VAV3: variants seen among roughly 807,000 people sequenced by gnomAD.
VAV3 encodes the protein guanine nucleotide exchange factor VAV3.
A neutral mutation model predicts 131.2 loss-of-function variants in VAV3; 94 were observed. The observed-to-expected ratio is 0.72, with a 90% CI of 0.61 to 0.85. The LOEUF (loss-of-function observed/expected upper bound fraction) is 0.85, where lower values mean the gene tolerates loss of function less well. Among genes scored for constraint, VAV3 ranks in the 40% least tolerant of loss-of-function variants. VAV3 has a pLI of 0.00. For synonymous variants in VAV3, 349 were observed against 342.0 expected (o/e 1.02, Z -0.22); for missense variants, 939 against 1,002.7 (o/e 0.94, Z 0.86).
At position 107,908,013 on chromosome 1, in the gene VAV3, T is replaced by G. The variant is rs1156379015; in HGVS notation, c.205-32996A>C. Among the ~76,000 whole-genome samples, 3 of 152,222 alleles carry G rather than the reference T, an allele frequency of 2.0e-5. No homozygotes were observed. The East Asian group carries it at 5.8e-4, about 29-fold the overall frequency. ...TCAGTTGTAAGTAGCATACGTGTGT[T>G]GAGGAATGAATTCGGAAGGATGCTG... is the stretch of plus-strand genomic sequence containing the variant. On this transcript the variant is annotated intron_variant, in intron 1 of 26. Transcript: ENST00000370056.
rs547671798 is a variant in VAV3, at chr1:107,936,070, A to G, written c.204+28596T>C. Among the ~76,000 whole-genome samples, 18 of 152,344 alleles carry G rather than the reference A, an allele frequency of 1.2e-4. No homozygotes were observed. In the South Asian group the frequency reaches 3.7e-3, roughly 32 times the overall value. On this transcript the variant is annotated intron_variant, in intron 1 of 26. Coordinates refer to ENST00000370056, the MANE Select transcript of VAV3 (RefSeq NM_006113.5). ...AGAAAAGTAAACGTAGGACATTATT[A>G]CAGTTCCTAGATTTGATGAACTAAT...
At chr1:107,915,807 T>G (rs547584075) in intron 1 of VAV3, among the ~76,000 whole-genome samples, 1 of 152,328 alleles carries the variant, frequency 6.6e-6, no homozygotes, top group East Asian at 1.9e-4. Context: ...TAGTGAGCAC[T>G]CATTATATGT....
At chr1:107,736,396 T>C (rs997247409) in intron 15 of VAV3, among the ~76,000 whole-genome samples, 4 of 152,090 alleles carry the variant, frequency 2.6e-5, no homozygotes, top group Admixed American at 1.3e-4. Context: ...GGTATTCAAT[T>C]AGGAAAAGAG....
intron 8 of VAV3, among the ~76,000 whole-genome samples, chr1:107,765,478 T>C (rs1664687115): frequency 6.6e-6 from 1 of 152,158 alleles, no homozygotes; most frequent in South Asian, 2.1e-4. Flanking sequence ...ATAAATGCAT[T>C]CCAAAAACAA....
intron 9 of VAV3, among the ~76,000 whole-genome samples, chr1:107,764,359 C>G (rs879479411): frequency 6.6e-6 from 1 of 152,176 alleles, no homozygotes; most frequent in Non-Finnish European, 1.5e-5. Context: ...TCTACCCACA[C>G]TGAAGTGGGT....
intron 15 of VAV3, among the ~76,000 whole-genome samples, chr1:107,721,234 G>A (rs1661479126): frequency 6.6e-6 from 1 of 152,130 alleles, no homozygotes; most frequent in African/African-American, 2.4e-5. Flanking sequence ...GGAAAGTGAG[G>A]GGAGCATATG....
At chr1:107,763,236 G>A (rs538612058) in intron 9 of VAV3, among the ~76,000 whole-genome samples, 30 of 152,262 alleles carry the variant, frequency 2.0e-4, no homozygotes, top group African/African-American at 7.0e-4. Flanking sequence ...AAGGACAGCA[G>A]GGGCACCTCA....
intron 24 of VAV3, among the ~76,000 whole-genome samples, chr1:107,596,738 T>G (rs1263008755): frequency 6.6e-6 from 1 of 152,214 alleles, no homozygotes; most frequent in East Asian, 1.9e-4. Flanking sequence ...TATACAGCAA[T>G]TTCTACTTTC....
At chr1:107,626,487 T>C (rs1007992429) in intron 20 of VAV3, among the ~76,000 whole-genome samples, 3 of 152,188 alleles carry the variant, frequency 2.0e-5, no homozygotes, top group Non-Finnish European at 4.4e-5. Flanking sequence ...GACATACTAA[T>C]GCCGACTGAG....
In VAV3 at chr1:107,669,520, A is replaced by G. The variant is rs143356608; in HGVS notation, c.1777+13968T>C. The stretch of plus-strand genomic sequence containing the variant: ...AAACACATTTTCAAGAATGCCTGAA[A>G]ATTTCACCATGGATCCATTCCTATC... On this transcript the variant is annotated intron_variant, in intron 19 of 26. Transcript: ENST00000370056. The G allele has an allele frequency of 1.8e-4, 225 of 1,273,152 alleles. 1 individual carries two copies. The African/African-American group carries it at 3.2e-3, about 18-fold the overall frequency. The allele number at this position is 1,273,152 out of a possible 1,614,324, so 78.9% of individuals were successfully genotyped here.
At chr1:107,781,090 A>G (rs1665660039) in intron 2 of VAV3, among the ~76,000 whole-genome samples, 1 of 152,114 alleles carries the variant, frequency 6.6e-6, no homozygotes, top group Admixed American at 6.5e-5. Flanking sequence ...GGTACCATAT[A>G]TATATATGGT....
chr1:107,812,939 T>C (rs1667388202), intron 2 of VAV3, among the ~76,000 whole-genome samples: 1 of 152,010 alleles, frequency 6.6e-6, no homozygotes, highest in Non-Finnish European at 1.5e-5. Context: ...CTGGCTAGCA[T>C]GGTGAAACCC....
intron 2 of VAV3, among the ~76,000 whole-genome samples, chr1:107,873,410 A>G (rs1249829472): frequency 6.6e-6 from 1 of 152,118 alleles, no homozygotes; most frequent in Admixed American, 6.6e-5. Context: ...CATTTCCCCA[A>G]TTCATTTTCA....
chr1:107,759,857 C>G (rs763397067), intron 10 of VAV3, among the ~76,000 whole-genome samples: 5 of 152,084 alleles, frequency 3.3e-5, no homozygotes, highest in South Asian at 2.1e-4. Flanking sequence ...TTATTTTGGA[C>G]ATGTATTTAG....
intron 2 of VAV3, among the ~76,000 whole-genome samples, chr1:107,780,444 T>C (rs1287216420): frequency 6.6e-6 from 1 of 152,230 alleles, no homozygotes; most frequent in Non-Finnish European, 1.5e-5. Flanking sequence ...TCTTTTGTCC[T>C]AAGATTGTCT....
Position 107,768,505 on chromosome 1 carries a change from A to C in VAV3, c.653T>G (p.Phe218Cys). ...TETLESIEKY[F>C]MAPLKRFLTA... ...CAGAAATCTTTTTAGTGGTGCCATG[A>C]AATACTACCAGGAAAGAAGAAGAAA... is the stretch of plus-strand genomic sequence containing the variant. Residue 218 changes from phenylalanine (F) to cysteine (C), a missense_variant, in exon 7 of 27, where the codon TTC becomes TGC. By Grantham distance (205) the Phe-to-Cys change is radical (BLOSUM62 -2). Coordinates refer to ENST00000370056, the MANE Select transcript of VAV3 (RefSeq NM_006113.5). 6.2e-7 allele frequency: 1 copy of C among 1,611,458 alleles called. No homozygotes were observed. Among genetic ancestry groups the C allele is most frequent in the East Asian group, 2.2e-5 (1 of 44,696 alleles).
intron 1 of VAV3, among the ~76,000 whole-genome samples, chr1:107,963,137 A>T (rs1367928874): frequency 6.6e-6 from 1 of 152,160 alleles, no homozygotes; most frequent in African/African-American, 2.4e-5. Flanking sequence ...AAACGTGATT[A>T]TTGAGAGCAA....
chr1:107,778,334 A>AG (rs1279823393), intron 3 of VAV3, among the ~76,000 whole-genome samples: 2 of 152,232 alleles, frequency 1.3e-5, no homozygotes, highest in East Asian at 3.8e-4. Context: ...AATATAGATG[A>AG]GAAAAAAAGG....
chr1:107,685,306 C>T (rs1303438066), intron 18 of VAV3, among the ~76,000 whole-genome samples: 1 of 152,166 alleles, frequency 6.6e-6, no homozygotes, highest in East Asian at 1.9e-4. Context: ...ATTTATATCT[C>T]TGTGCCTGTT....
Sources: allele counts gnomAD v4.1 joint callset (sites outside exome capture counted in the v4.1 genomes callset), GRCh38; gene constraint gnomAD v4.1.1; transcripts MANE v1.5; gene names NCBI Gene and HGNC (gene_info 2026-07-23, HGNC 2026-07-21).